Variants in SBNO2 observed in about 807,000 individuals in gnomAD.
SBNO2 encodes the protein protein strawberry notch homolog 2.
A neutral mutation model predicts 146.3 loss-of-function variants in SBNO2; 89 were observed. The ratio of observed to expected loss-of-function variants is 0.61; its 90% CI spans 0.51 to 0.73. The LOEUF (loss-of-function observed/expected upper bound fraction) is 0.73. SBNO2 is among the 30% of genes least tolerant of loss of function. The probability of loss-of-function intolerance (pLI) is 0.00; values close to 1 mark genes in which losing one functional copy is unlikely to be tolerated. For missense variants in SBNO2, 2,092 were observed against 2,003.7 expected (o/e 1.04, Z -0.84); for synonymous variants, 1,147 against 892.6 (o/e 1.29, Z -5.08).
Position 1,122,568 on chromosome 19 carries a change from G to T in SBNO2, c.915-10C>A, listed in dbSNP as rs1413066817. On this transcript the variant is annotated splice_polypyrimidine_tract_variant and intron_variant, in intron 9 of 31. Transcript: ENST00000361757. ...GTTGGAGACGCTGAACCTGCGGGGT[G>T]GGGGCGTCAGGCGCGCCCACCCTTC... 1 of 1,529,678 alleles carries T rather than the reference G, an allele frequency of 6.5e-7. No individual in the cohort carries two copies. The highest frequency in any genetic ancestry group is 2.0e-5 in the Admixed American group (1 of 50,398). The allele number at this position is 1,529,678 out of a possible 1,614,324, so 94.8% of individuals were successfully genotyped here.
At chr19:1,116,224 C>G (rs2079830570) in intron 16 of SBNO2, 121 bp from the exon 17 acceptor site, 1 of 816,016 alleles carries the variant, frequency 1.2e-6, no homozygotes, top group African/African-American at 1.7e-5. Flanking sequence ...CGGGCCTGGG[C>G]AGAGGGTCTC....
At chr19:1,139,774 G>C (rs1475308915) in intron 4 of SBNO2, among the ~76,000 whole-genome samples, 1 of 151,986 alleles carries the variant, frequency 6.6e-6, no homozygotes, top group African/African-American at 2.4e-5. Flanking sequence ...CAGCCTGGGA[G>C]ACAGAGTGAG....
chr19:1,163,119 C>T (rs1418958456), intron 1 of SBNO2, among the ~76,000 whole-genome samples: 1 of 152,208 alleles, frequency 6.6e-6, no homozygotes, highest in Non-Finnish European at 1.5e-5. Flanking sequence ...TACAGTCCCT[C>T]CAGACTCACA....
rs140462290 is a variant in SBNO2 at position 1,162,753 on chromosome 19, G to A, written c.-126-8351C>T. ...CCCCTCATCTGACACACAGAGAAAC[G>A]GAGACCAGGAACCTGACGCTGGTTT... On this transcript the variant is annotated intron_variant, in intron 1 of 31. Coordinates refer to ENST00000361757, the MANE Select transcript of SBNO2 (RefSeq NM_014963.3). 4.8e-4 allele frequency among the ~76,000 whole-genome samples: 73 copies of A among 152,296 alleles called. No homozygotes were observed. The East Asian group carries it at 6.8e-3, about 14-fold the overall frequency.
chr19:1,167,374 C>T (rs1012469829), intron 1 of SBNO2, among the ~76,000 whole-genome samples: 1 of 152,260 alleles, frequency 6.6e-6, no homozygotes, highest in African/African-American at 2.4e-5. Flanking sequence ...GGCCACGGCT[C>T]CAAGGCCAAG....
In SBNO2 at chr19:1,124,040, T is replaced by C. The variant is rs2079936669; in HGVS notation, c.442-18A>G. The C allele has an allele frequency of 6.2e-7, 1 of 1,607,238 alleles. No homozygotes were observed. The highest frequency in any genetic ancestry group is 1.1e-5 in the South Asian group (1 of 89,902). On this transcript the variant is annotated intron_variant, in intron 5 of 31. Coordinates refer to ENST00000361757, the MANE Select transcript of SBNO2 (RefSeq NM_014963.3). Reference sequence around the variant, plus strand: ...TGGAACAGCTGGAAGGGGAGCAGGATGTCAGCCCGGGCCAGACGGGACAGG... The same window carrying C: ...TGGAACAGCTGGAAGGGGAGCAGGACGTCAGCCCGGGCCAGACGGGACAGG...
At chr19:1,165,677 TACC>T (rs2080408034) in intron 1 of SBNO2, among the ~76,000 whole-genome samples, 7 of 25,102 alleles carry the variant, frequency 2.8e-4, no homozygotes, top group African/African-American at 6.5e-4. Flanking sequence ...CAGACCCCAG[TACC>T]CAGACCCCAG....
At chr19:1,172,332 G>A (rs1468625057) in intron 1 of SBNO2, among the ~76,000 whole-genome samples, 1 of 152,170 alleles carries the variant, frequency 6.6e-6, no homozygotes, top group Non-Finnish European at 1.5e-5. Flanking sequence ...GCCCTTTCTC[G>A]GCAAGAACTC....
In SBNO2 at chr19:1,109,764, A is replaced by G. The variant is rs1278558471; in HGVS notation, c.3042T>C (p.Gly1014=). The change falls in exon 27 of 32, where the codon GGT becomes GGC. Residue 1014 remains glycine, a synonymous_variant. Coordinates refer to ENST00000361757, the MANE Select transcript of SBNO2 (RefSeq NM_014963.3). The surrounding 1 kb of genome is among the most constrained non-coding windows in gnomAD (Gnocchi z 4.2). The part of the protein sequence containing the change: ...YDMGILDLAP[G]IEEIYEESQQ... ...GGCTCTCCTCGTAGATCTCCTCGATACCGGGAGCAAGGTCTAGGGGGGCGG... is the reference window on the plus strand; with the variant it reads ...GGCTCTCCTCGTAGATCTCCTCGATGCCGGGAGCAAGGTCTAGGGGGGCGG... The G allele has an allele frequency of 2.3e-6, 3 of 1,322,310 alleles. No homozygotes were observed. Among genetic ancestry groups the G allele is most frequent in the African/African-American group, 1.6e-5 (1 of 64,408 alleles). The allele number at this position is 1,322,310 out of a possible 1,614,324, so 81.9% of individuals were successfully genotyped here.
Position 1,110,056 on chromosome 19 carries a change from G to A in SBNO2, c.3029-279C>T, listed in dbSNP as rs2079737081. ...ATGTAACCCCGAGCAGGCTGTGGGG[G>A]ATCGTGGGAGCCTGGGGGCCGCTCA... is the stretch of plus-strand genomic sequence containing the variant. On this transcript the variant is annotated intron_variant, in intron 26 of 31. Transcript: ENST00000361757. The surrounding 1 kb of genome is among the most constrained non-coding windows in gnomAD (Gnocchi z 4.9). 1.3e-5 allele frequency among the ~76,000 whole-genome samples: 2 copies of A among 151,466 alleles called. No homozygotes were observed. The highest frequency in any genetic ancestry group is 4.2e-4 in the South Asian group (2 of 4,798).
In SBNO2 at chr19:1,113,653, C is replaced by T. The variant is rs754654653; in HGVS notation, c.2129G>A (p.Arg710Gln). Reference sequence around the variant, plus strand: ...CAGATCCTGCTTCAGCCGCTCCACCCGCTCCAGGACCCCGGGGCCATGCGG... The same window carrying T: ...CAGATCCTGCTTCAGCCGCTCCACCTGCTCCAGGACCCCGGGGCCATGCGG... ...RDPHGPGVLE[R>Q]VERLKQDLLD... Residue 710 changes from arginine to glutamine, a missense_variant, in exon 19 of 32, where the codon CGG becomes CAG. Coordinates refer to ENST00000361757, the MANE Select transcript of SBNO2 (RefSeq NM_014963.3). 25 of 1,596,924 alleles carry T rather than the reference C, an allele frequency of 1.6e-5. No homozygotes were observed. The highest frequency in any genetic ancestry group is 1.4e-4 in the Admixed American group (8 of 58,462).
chr19:1,108,771 C>T lies in SBNO2; in HGVS notation c.3616+8G>A, dbSNP rs1354061937. ...CGGGCCTTCCCGGGGCGCCCGCCGC[C>T]CACTCACCCACTTGCTTCTTCCTGT... On this transcript the variant is annotated splice_region_variant and intron_variant, in intron 31 of 31. Coordinates refer to ENST00000361757, the MANE Select transcript of SBNO2 (RefSeq NM_014963.3). The T allele has an allele frequency of 1.2e-6, 2 of 1,601,214 alleles. No individual in the cohort carries two copies. The highest frequency in any genetic ancestry group is 4.5e-5 in the East Asian group (2 of 44,748).
chr19:1,108,261 G>A lies in SBNO2; in HGVS notation c.4060C>T (p.Gln1354Ter), dbSNP rs1401044923. The change falls in exon 32 of 32, where the codon CAG (glutamine) becomes TAG (stop). Residue 1354 changes from glutamine to a stop codon, truncating the protein, a stop_gained. Coordinates refer to ENST00000361757, the MANE Select transcript of SBNO2 (RefSeq NM_014963.3). LOFTEE classifies it high-confidence loss of function. ...GGGPERQSVI[Q>*]FSPPFPGAQA... The stretch of plus-strand genomic sequence containing the variant: ...GCGCCGGGGAAGGGTGGGCTGAACT[G>A]GATCACGCTCTGCCGCTCGGGACCA... The A allele has an allele frequency of 3.3e-6, 5 of 1,523,838 alleles. No homozygotes were observed. The highest frequency in any genetic ancestry group is 3.5e-6 in the Non-Finnish European group (4 of 1,133,998). 94.4% of individuals were successfully genotyped at this position (1,523,838 alleles called of 1,614,324 possible). A position where few individuals can be genotyped will look rare whatever the true frequency, so the allele number is the denominator to read the frequency against.
intron 2 of SBNO2, 75 bp from the exon 3 acceptor site, chr19:1,149,517 G>T (rs546393790): frequency 2.1e-6 from 3 of 1,400,692 alleles, no homozygotes; most frequent in South Asian, 2.5e-5. Flanking sequence ...CCTCCGGGCA[G>T]GGTGACAGGC....
At chr19:1,115,022 C>T (rs2079814622) in intron 17 of SBNO2, among the ~76,000 whole-genome samples, 1 of 150,304 alleles carries the variant, frequency 6.7e-6, no homozygotes, top group Admixed American at 6.6e-5. Flanking sequence ...CTCCACCTCC[C>T]GGGTTCAAGC....
At chr19:1,171,670 C>G (rs1395909893) in intron 1 of SBNO2, among the ~76,000 whole-genome samples, 1 of 152,166 alleles carries the variant, frequency 6.6e-6, no homozygotes, top group Non-Finnish European at 1.5e-5. Flanking sequence ...GCCGGAGGGG[C>G]ATCCGTGACT....
rs951090820 is a variant in SBNO2 at position 1,124,213 on chromosome 19, G to A, written c.442-191C>T. The stretch of plus-strand genomic sequence containing the variant: ...CCCTGGTGCCTCCCAAGCCTCCCCA[G>A]TGGGCACCTCCCTGGGGCCTAAGGC... On this transcript the variant is annotated intron_variant, in intron 5 of 31. Transcript: ENST00000361757. 36 of 625,934 alleles carry A rather than the reference G, an allele frequency of 5.8e-5. 1 individual carries two copies. The highest frequency in any genetic ancestry group is 9.3e-5 in the Non-Finnish European group (33 of 354,214). 38.8% of individuals were successfully genotyped at this position (625,934 alleles called of 1,614,324 possible).
Position 1,116,117 on chromosome 19 carries a change from G to T in SBNO2, c.1803-14C>A, listed in dbSNP as rs200233201. On this transcript the variant is annotated splice_polypyrimidine_tract_variant and intron_variant, in intron 16 of 31. Transcript: ENST00000361757. ...AGGAACACGCCTCTGAAAGTGAGAC[G>T]CGGAGTTTATTCTCACACGAGGAGC... 5.6e-6 allele frequency: 9 copies of T among 1,600,950 alleles called. No homozygotes were observed. Among genetic ancestry groups the T allele is most frequent in the Non-Finnish European group, 7.7e-6 (9 of 1,173,658 alleles).
At chr19:1,156,027 C>T (rs778812367) in intron 1 of SBNO2, among the ~76,000 whole-genome samples, 33 of 152,190 alleles carry the variant, frequency 2.2e-4, no homozygotes, top group South Asian at 2.1e-4. Flanking sequence ...AGGGCCCAGG[C>T]CCCACGGTGG....
Sources: allele counts gnomAD v4.1 joint callset (sites outside exome capture counted in the v4.1 genomes callset), GRCh38; gene constraint gnomAD v4.1.1; non-coding constraint Gnocchi (gnomAD v3.1); transcripts MANE v1.5; gene names NCBI Gene and HGNC (gene_info 2026-07-23, HGNC 2026-07-21).